The following RBM44 variants were observed in gnomAD, a reference collection of about 807,000 sequenced individuals.
The protein encoded by RBM44 is RNA binding motif protein 44.
In RBM44, 66 loss-of-function variants were observed where a neutral mutation model predicts 105.1. The ratio of observed to expected loss-of-function variants is 0.63; its 90% CI spans 0.52 to 0.77. The LOEUF (loss-of-function observed/expected upper bound fraction) is 0.77. Among genes scored for constraint, RBM44 ranks in the 30% least tolerant of loss-of-function variants. The probability of loss-of-function intolerance (pLI) is 0.00; values close to 1 mark genes in which losing one functional copy is unlikely to be tolerated. For synonymous variants in RBM44, 365 were observed against 417.6 expected, an observed-to-expected ratio of 0.87 and a Z score of 1.54; for missense variants, 1,122 against 1,207.8, an observed-to-expected ratio of 0.93 and a Z score of 1.05.
At chr2:237,801,687 G>T (rs191708285) in intron 1 of RBM44, among the ~76,000 whole-genome samples, 5 of 152,168 alleles carry the variant, frequency 3.3e-5, no homozygotes, top group South Asian at 2.1e-4. Context: ...AAGAAGGAAT[G>T]ACTCTTAACT....
chr2:237,840,016 C>A (rs982611618), intron 15 of RBM44, among the ~76,000 whole-genome samples: 5 of 151,920 alleles, frequency 3.3e-5, no homozygotes, highest in African/African-American at 1.2e-4. Flanking sequence ...TGGTGAAACC[C>A]CATCTCCACA....
intron 2 of RBM44, 43 bp downstream of exon 2, chr2:237,813,725 G>A: frequency 7.8e-7 from 1 of 1,282,730 alleles, no homozygotes; most frequent in Non-Finnish European, 1.1e-6. Flanking sequence ...GTGGGGAAGG[G>A]TGTTAAATGT....
chr2:237,824,430 A>T lies in RBM44; in HGVS notation c.2449+11A>T. The T allele has an allele frequency of 6.2e-7, 1 of 1,609,798 alleles. No individual in the cohort carries two copies. The highest frequency in any genetic ancestry group is 8.5e-7 in the Non-Finnish European group (1 of 1,177,420). On this transcript the variant is annotated intron_variant, in intron 10 of 15. Coordinates refer to ENST00000316997, the MANE Select transcript of RBM44 (RefSeq NM_001080504.3). Reference sequence around the variant, plus strand: ...TGGATCTTACAGGAGGTTGGTTCTCAAGAATTTACCGAGAAATCCTAACCT... The same window carrying T: ...TGGATCTTACAGGAGGTTGGTTCTCTAGAATTTACCGAGAAATCCTAACCT...
intron 13 of RBM44, among the ~76,000 whole-genome samples, chr2:237,832,156 CTTTTT>C (rs1298405099): frequency 7.1e-6 from 1 of 140,238 alleles, no homozygotes. Flanking sequence ...TAATTTCAGT[CTTTTT>C]TTTTTTTTTT....
In RBM44 at chr2:237,821,336, C is replaced by G; in HGVS notation, c.2098-10C>G. 1 of 1,560,756 alleles carries G rather than the reference C, an allele frequency of 6.4e-7. No individual in the cohort carries two copies. ...AAACAAAGATTTTTTTTCCTTTTCT[C>G]TCCTTCCAGCTAATGAAAAAAGAAA... On this transcript the variant is annotated splice_polypyrimidine_tract_variant and intron_variant, in intron 6 of 15. Coordinates refer to ENST00000316997, the MANE Select transcript of RBM44 (RefSeq NM_001080504.3).
chr2:237,804,595 G>A (rs887514124), intron 1 of RBM44, among the ~76,000 whole-genome samples: 4 of 152,142 alleles, frequency 2.6e-5, no homozygotes, highest in East Asian at 1.9e-4. Flanking sequence ...CTCTTGAGAC[G>A]TGTCTGTTTA....
At chr2:237,811,858 CTT>C (rs750193149) in intron 1 of RBM44, among the ~76,000 whole-genome samples, 1 of 151,956 alleles carries the variant, frequency 6.6e-6, no homozygotes, top group Non-Finnish European at 1.5e-5. Flanking sequence ...TTTGTCTTGT[CTT>C]TTATCTACTT....
In RBM44 at chr2:237,828,086, T is replaced by C. The variant is rs574504156; in HGVS notation, c.2600+583T>C. On this transcript the variant is annotated intron_variant, in intron 12 of 15. Coordinates refer to ENST00000316997, the MANE Select transcript of RBM44 (RefSeq NM_001080504.3). ...CTTTTTAGTTGACACTTTTTATATA[T>C]TTTAGGTAGACAGCTACCTCATTTA... Among the ~76,000 whole-genome samples the C allele has an allele frequency of 5.9e-5, 9 of 152,284 alleles. No homozygotes were observed. The South Asian group carries it at 1.7e-3, about 28-fold the overall frequency.
rs773240982 is a variant in RBM44 at position 237,817,889 on chromosome 2, A to G, written c.970A>G (p.Met324Val). ...CTTGAGCCCTCAAAAAGTATTAAAA[A>G]TGAAAATTTATACTGAAAACATGAA... is the stretch of plus-strand genomic sequence containing the variant. ...GSLSPQKVLKMKIYTENMKSQ... is the reference protein window; with the variant it reads ...GSLSPQKVLKVKIYTENMKSQ... Residue 324 changes from methionine (M) to valine (V), a missense_variant, in exon 3 of 16, where the codon ATG becomes GTG. Physicochemically the swap from Met to Val is conservative, Grantham distance 21. Transcript: ENST00000316997. 3.8e-6 allele frequency: 6 copies of G among 1,597,568 alleles called. No individual in the cohort carries two copies. Among genetic ancestry groups the G allele is most frequent in the Non-Finnish European group, 5.1e-6 (6 of 1,175,248 alleles).
At position 237,816,986 on chromosome 2, in the gene RBM44, T is replaced by A. The variant is rs1331399280; in HGVS notation, c.74-7T>A. On this transcript the variant is annotated splice_polypyrimidine_tract_variant and splice_region_variant and intron_variant, in intron 2 of 15. Transcript: ENST00000316997. Reference sequence around the variant, plus strand: ...GCTGTTAATGTTTTTATCCTTTTTTTAATCAGATAAACCTTCAAATCCAAA... The same window carrying A: ...GCTGTTAATGTTTTTATCCTTTTTTAAATCAGATAAACCTTCAAATCCAAA... 2 of 1,457,192 alleles carry A rather than the reference T, an allele frequency of 1.4e-6. No individual in the cohort carries two copies. Among genetic ancestry groups the A allele is most frequent in the Non-Finnish European group, 1.8e-6 (2 of 1,085,500 alleles). 90.3% of individuals were successfully genotyped at this position (1,457,192 alleles called of 1,614,324 possible). A position where few individuals can be genotyped will look rare whatever the true frequency, so the allele number is the denominator to read the frequency against.
intron 5 of RBM44, chr2:237,820,582 A>G: frequency 3.0e-6 from 1 of 337,860 alleles, no homozygotes; most frequent in South Asian, 8.6e-5. Context: ...TTTCTTTATA[A>G]AGTTCAAGTA....
intron 12 of RBM44, 76 bp downstream of exon 12, chr2:237,827,579 C>A: frequency 1.2e-6 from 1 of 833,412 alleles, no homozygotes; most frequent in Non-Finnish European, 1.9e-6. Context: ...CAGATATCAG[C>A]CACAGTGGTG....
Position 237,818,362 on chromosome 2 carries a change from C to T in RBM44, c.1443C>T (p.Ser481=). 4 of 1,613,164 alleles carry T rather than the reference C, an allele frequency of 2.5e-6. No individual in the cohort carries two copies. Among genetic ancestry groups the T allele is most frequent in the Middle Eastern group, 1.7e-4 (1 of 6,050 alleles). ...STDFRACFTT[S]RATSARPSVV... ...ATTTTAGGGCTTGTTTCACAACCAG[C>T]AGGGCAACAAGTGCAAGACCTTCTG... The change falls in exon 3 of 16, where the codon AGC becomes AGT. Residue 481 remains serine, a synonymous_variant. Transcript: ENST00000316997. The surrounding 1 kb of genome is among the most constrained non-coding windows in gnomAD (Gnocchi z 4.6).
intron 15 of RBM44, among the ~76,000 whole-genome samples, chr2:237,839,560 C>T (rs1451771352): frequency 6.6e-6 from 1 of 152,106 alleles, no homozygotes; most frequent in Non-Finnish European, 1.5e-5. Flanking sequence ...TGAGCCACTG[C>T]GCCCGGCCCC....
rs755183965 is a variant in RBM44 at position 237,842,225 on chromosome 2, A to G, written c.*409A>G. 3 of 152,138 alleles carry G rather than the reference A, an allele frequency of 2.0e-5. No homozygotes were observed. Among genetic ancestry groups the G allele is most frequent in the Non-Finnish European group, 4.4e-5 (3 of 67,978 alleles). The allele number at this position is 152,138 out of a possible 1,614,324, so 9.4% of individuals were successfully genotyped here. A position where few individuals can be genotyped will look rare whatever the true frequency, so the allele number is the denominator to read the frequency against. ...CATCAATGTTTGTGAAATGATTTCC[A>G]TACATAAAAAATGTAATTTACCTGA... On this transcript the variant is annotated 3_prime_UTR_variant, in exon 16 of 16. Coordinates refer to ENST00000316997, the MANE Select transcript of RBM44 (RefSeq NM_001080504.3).
At chr2:237,815,272 G>A (rs755466555) in intron 2 of RBM44, among the ~76,000 whole-genome samples, 10 of 152,204 alleles carry the variant, frequency 6.6e-5, no homozygotes, top group East Asian at 5.8e-4. Flanking sequence ...CAACTCTGTC[G>A]TCTCCAACCA....
rs976916720 is a variant in RBM44 at position 237,841,115 on chromosome 2, C to A, written c.*23-724C>A. Among the ~76,000 whole-genome samples the A allele has an allele frequency of 1.3e-5, 2 of 152,198 alleles. No homozygotes were observed. Among genetic ancestry groups the A allele is most frequent in the Non-Finnish European group, 2.9e-5 (2 of 68,034 alleles). On this transcript the variant is annotated intron_variant, in intron 15 of 15. Coordinates refer to ENST00000316997, the MANE Select transcript of RBM44 (RefSeq NM_001080504.3). The surrounding 1 kb of genome is among the most constrained non-coding windows in gnomAD (Gnocchi z 4.5). ...AATCATTGTACCATAAAGACACATGCATGTGCATATTTATCACAGCACTAT... is the reference window on the plus strand; with the variant it reads ...AATCATTGTACCATAAAGACACATGAATGTGCATATTTATCACAGCACTAT...
chr2:237,822,774 T>A, intron 8 of RBM44, among the ~76,000 whole-genome samples: 1 of 152,210 alleles, frequency 6.6e-6, no homozygotes, highest in East Asian at 1.9e-4. Flanking sequence ...AATCTTGGTT[T>A]TGGCTACAAA....
At position 237,817,552 on chromosome 2, in the gene RBM44, A is replaced by T; in HGVS notation, c.633A>T (p.Ile211=). 1.9e-6 allele frequency: 3 copies of T among 1,612,102 alleles called. No homozygotes were observed. Among genetic ancestry groups the T allele is most frequent in the Non-Finnish European group, 2.5e-6 (3 of 1,178,950 alleles). ...LSFDQTKALD[I]SNPEVVELGN... ...TTGACCAAACAAAAGCATTAGATAT[A>T]TCTAATCCAGAAGTTGTTGAATTAG... is the stretch of plus-strand genomic sequence containing the variant. Residue 211 remains isoleucine, a synonymous_variant, in exon 3 of 16, where the codon ATA becomes ATT. Transcript: ENST00000316997.
Sources: gnomAD v4.1 joint callset for allele counts (sites outside exome capture counted in the v4.1 genomes callset) on GRCh38, gnomAD v4.1.1 for gene constraint, Gnocchi (gnomAD v3.1) non-coding constraint, MANE v1.5 for transcripts, NCBI Gene and HGNC (gene_info 2026-07-23, HGNC 2026-07-21) for gene names.